Variants in LOXL2 observed in about 807,000 individuals in gnomAD.
LOXL2 encodes lysyl oxidase like 2, also known as lysyl oxidase homolog 2.
A neutral mutation model predicts 93.0 loss-of-function variants in LOXL2; 70 were observed. The observed-to-expected ratio is 0.75, with a 90% CI of 0.62 to 0.92. The LOEUF (loss-of-function observed/expected upper bound fraction) is 0.92. Ranked by LOEUF, LOXL2 falls within the 40% of genes least tolerant of loss-of-function variation. The probability of loss-of-function intolerance (pLI) is 0.00; values close to 1 mark genes in which losing one functional copy is unlikely to be tolerated. For synonymous variants in LOXL2, 438 were observed against 413.2 expected, an observed-to-expected ratio of 1.06 and a Z score of -0.73; for missense variants, 973 against 1,054.9, an observed-to-expected ratio of 0.92 and a Z score of 1.08.
At chr8:23,358,132 T>A (rs1215354575) in intron 3 of LOXL2, among the ~76,000 whole-genome samples, 3 of 152,238 alleles carry the variant, frequency 2.0e-5, no homozygotes, top group Non-Finnish European at 4.4e-5. Context: ...GACAAGCCCA[T>A]CCGTCAGATC....
intron 6 of LOXL2, among the ~76,000 whole-genome samples, chr8:23,323,328 A>C (rs980455999): frequency 6.6e-6 from 1 of 152,210 alleles, no homozygotes; most frequent in African/African-American, 2.4e-5. Context: ...AAAGAGCAGA[A>C]GGTTCTGTCT....
chr8:23,337,754 G>C (rs1016768935), intron 4 of LOXL2, among the ~76,000 whole-genome samples: 5 of 152,158 alleles, frequency 3.3e-5, no homozygotes, highest in Admixed American at 2.6e-4. Flanking sequence ...AGGAATGGGG[G>C]CCTGAAGTTT....
intron 1 of LOXL2, among the ~76,000 whole-genome samples, chr8:23,386,486 C>T (rs1804762122): frequency 6.6e-6 from 1 of 152,180 alleles, no homozygotes; most frequent in Admixed American, 6.5e-5. Flanking sequence ...TCTACCCTTC[C>T]AGACATTTGA....
chr8:23,377,592 T>C (rs1483492853), intron 1 of LOXL2, among the ~76,000 whole-genome samples: 2 of 151,928 alleles, frequency 1.3e-5, no homozygotes, highest in Admixed American at 6.6e-5. Flanking sequence ...TTGTAGATCT[T>C]TAAGGACTTG....
chr8:23,364,153 G>A (rs1804354843), intron 2 of LOXL2: 1 of 152,190 alleles, frequency 6.6e-6, no homozygotes, highest in South Asian at 2.1e-4. Context: ...TGGGATTACA[G>A]GCATGAGCCA....
At chr8:23,308,527 C>T (rs1015756511) in intron 10 of LOXL2, among the ~76,000 whole-genome samples, 8 of 152,214 alleles carry the variant, frequency 5.3e-5, no homozygotes, top group African/African-American at 1.4e-4. Flanking sequence ...GCCTGTCTCC[C>T]TTCCTTTCCA....
chr8:23,370,708 G>A (rs1016634358), intron 1 of LOXL2: 1 of 152,258 alleles, frequency 6.6e-6, no homozygotes, highest in Non-Finnish European at 1.5e-5. Context: ...AGGCTGAGAA[G>A]CTAAGCAAAG....
In LOXL2 at chr8:23,345,108, G is replaced by A. The variant is rs1446946356; in HGVS notation, c.532-3905C>T. Among the ~76,000 whole-genome samples the A allele has an allele frequency of 3.3e-5, 5 of 152,296 alleles. No homozygotes were observed. The East Asian group carries it at 9.7e-4, about 29-fold the overall frequency. ...AATCCCCATGGCAGCTTTCAAGATGGCTCATGGTCCACCTGTTTAGAGGTA... is the reference window on the plus strand; with the variant it reads ...AATCCCCATGGCAGCTTTCAAGATGACTCATGGTCCACCTGTTTAGAGGTA... On this transcript the variant is annotated intron_variant, in intron 3 of 13. Coordinates refer to ENST00000389131, the MANE Select transcript of LOXL2 (RefSeq NM_002318.3).
At chr8:23,376,852 A>G (rs1804602611) in intron 1 of LOXL2, among the ~76,000 whole-genome samples, 1 of 152,116 alleles carries the variant, frequency 6.6e-6, no homozygotes, top group Non-Finnish European at 1.5e-5. Flanking sequence ...TAGTCTTGCT[A>G]GCAGTCTATC....
intron 1 of LOXL2, among the ~76,000 whole-genome samples, chr8:23,392,122 G>A (rs1471745408): frequency 6.6e-6 from 1 of 152,190 alleles, no homozygotes; most frequent in African/African-American, 2.4e-5. Context: ...TTAGGCCTGT[G>A]CTTGTCCTAT....
intron 1 of LOXL2, among the ~76,000 whole-genome samples, chr8:23,403,397 G>A (rs1324824458): frequency 1.3e-5 from 2 of 152,102 alleles, no homozygotes; most frequent in Non-Finnish European, 2.9e-5. Flanking sequence ...AGCCTTTCGA[G>A]CAGGCTGGGG....
At chr8:23,378,019 A>T (rs573075117) in intron 1 of LOXL2, among the ~76,000 whole-genome samples, 34 of 152,328 alleles carry the variant, frequency 2.2e-4, no homozygotes, top group African/African-American at 4.8e-4. Context: ...TAGTTGATGT[A>T]GTTTCTTCCT....
In LOXL2 at chr8:23,386,187, T is replaced by C. The variant is rs574674029; in HGVS notation, c.-83-17753A>G. On this transcript the variant is annotated intron_variant, in intron 1 of 13. Coordinates refer to ENST00000389131, the MANE Select transcript of LOXL2 (RefSeq NM_002318.3). ...ATTCACTAATTGTTGAGGTCAGGAG[T>C]TCGAGACCAGCCTGGCTAACATGGT... is the stretch of plus-strand genomic sequence containing the variant. 4 of 613,916 alleles carry C rather than the reference T, an allele frequency of 6.5e-6. No individual in the cohort carries two copies. The East Asian group carries it at 1.1e-4, about 17-fold the overall frequency. 38.0% of individuals were successfully genotyped at this position (613,916 alleles called of 1,614,324 possible).
rs995710963 is a variant in LOXL2 at position 23,339,377 on chromosome 8, G to A, written c.743+1615C>T. ...CAGCCTTGGAAGCCTTATCCTCCCCGTCCTTGAAAAGGCAAAGCCACAGAC... is the reference window on the plus strand; with the variant it reads ...CAGCCTTGGAAGCCTTATCCTCCCCATCCTTGAAAAGGCAAAGCCACAGAC... On this transcript the variant is annotated intron_variant, in intron 4 of 13. Transcript: ENST00000389131. 5.9e-5 allele frequency among the ~76,000 whole-genome samples: 9 copies of A among 152,108 alleles called. No homozygotes were observed. The South Asian group carries it at 1.0e-3, about 18-fold the overall frequency.
chr8:23,339,897 C>T (rs1803852846), intron 4 of LOXL2, among the ~76,000 whole-genome samples: 1 of 152,176 alleles, frequency 6.6e-6, no homozygotes, highest in South Asian at 2.1e-4. Flanking sequence ...AAAATTATGG[C>T]CCACCCCGTC....
intron 10 of LOXL2, among the ~76,000 whole-genome samples, chr8:23,304,612 C>T (rs759702905): frequency 6.6e-6 from 1 of 152,112 alleles, no homozygotes; most frequent in Non-Finnish European, 1.5e-5. Flanking sequence ...GTGGCTTTGC[C>T]CGCTCTCGGG....
rs1279276548 is a variant in LOXL2, at chr8:23,309,848, G to A, written c.1700C>T (p.Pro567Leu). Residue 567 changes from proline (P) to leucine (L), a missense_variant, in exon 10 of 14, where the codon CCC becomes CTC. Coordinates refer to ENST00000389131, the MANE Select transcript of LOXL2 (RefSeq NM_002318.3). Reference protein sequence around the residue: ...VQQTTYLEDRPMFMLQCAMEE... With the variant: ...VQQTTYLEDRLMFMLQCAMEE... ...CATGGCACACTGCAGCATGAACATG[G>A]GCCGGTCCTCCAGGTAGGTGGTCTG... 2 of 1,589,864 alleles carry A rather than the reference G, an allele frequency of 1.3e-6. No homozygotes were observed. Among genetic ancestry groups the A allele is most frequent in the Non-Finnish European group, 1.7e-6 (2 of 1,167,066 alleles).
intron 10 of LOXL2, among the ~76,000 whole-genome samples, chr8:23,305,872 T>C (rs184188341): frequency 2.3e-4 from 35 of 151,764 alleles, no homozygotes; most frequent in African/African-American, 7.0e-4. Flanking sequence ...AGTGCAGTGG[T>C]ATGATCTCGG....
chr8:23,396,450 T>C (rs755324295), intron 1 of LOXL2, among the ~76,000 whole-genome samples: 7 of 152,060 alleles, frequency 4.6e-5, no homozygotes, highest in Non-Finnish European at 1.0e-4. Context: ...AGACTTGTGC[T>C]CCAGCAGAAG....
Sources: allele counts gnomAD v4.1 joint callset (sites outside exome capture counted in the v4.1 genomes callset), GRCh38; gene constraint gnomAD v4.1.1; transcripts MANE v1.5; gene names NCBI Gene and HGNC (gene_info 2026-07-23, HGNC 2026-07-21).